BCAS3: variants seen among roughly 807,000 people sequenced by gnomAD.
BCAS3 encodes BCAS4/BCAS3 fusion.
A neutral mutation model predicts 116.1 loss-of-function variants in BCAS3; 53 were observed. The observed-to-expected ratio is 0.46, with a 90% CI of 0.37 to 0.57. The LOEUF (loss-of-function observed/expected upper bound fraction) is 0.57. BCAS3 is among the 20% of genes least tolerant of loss of function. The pLI, the probability that BCAS3 is intolerant of heterozygous loss-of-function variation, is 0.00. For missense variants in BCAS3, 917 were observed against 1,165.4 expected (o/e 0.79, Z 3.10); for synonymous variants, 391 against 408.2 (o/e 0.96, Z 0.51).
intron 6 of BCAS3, among the ~76,000 whole-genome samples, chr17:60,763,244 T>C (rs2043724977): frequency 6.6e-6 from 1 of 152,010 alleles, no homozygotes; most frequent in Non-Finnish European, 1.5e-5. Context: ...TGAATAGGAG[T>C]GGTGAGAGAG....
chr17:61,336,496 C>T (rs1052862718), intron 22 of BCAS3, among the ~76,000 whole-genome samples: 1 of 152,174 alleles, frequency 6.6e-6, no homozygotes, highest in African/African-American at 2.4e-5. Flanking sequence ...TTCTAGAAAC[C>T]TTACCCACCT....
In BCAS3 at chr17:61,388,775, G is replaced by A. The variant is rs2059981694; in HGVS notation, c.2594-3202G>A. 2 of 1,420,244 alleles carry A rather than the reference G, an allele frequency of 1.4e-6. No individual in the cohort carries two copies. The highest frequency in any genetic ancestry group is 1.9e-6 in the Non-Finnish European group (2 of 1,046,374). The allele number at this position is 1,420,244 out of a possible 1,614,324, so 88.0% of individuals were successfully genotyped here. A position where few individuals can be genotyped will look rare whatever the true frequency, so the allele number is the denominator to read the frequency against. On this transcript the variant is annotated intron_variant, in intron 23 of 23. Coordinates refer to ENST00000407086, the MANE Select transcript of BCAS3 (RefSeq NM_017679.5). The surrounding 1 kb of genome is among the most constrained non-coding windows in gnomAD (Gnocchi z 6.5). Reference sequence around the variant, plus strand: ...GGGCGGCCGGGATGACTTGGAGGGGGGAATCTGAGCAGCCCTCCTCCCCTC... The same window carrying A: ...GGGCGGCCGGGATGACTTGGAGGGGAGAATCTGAGCAGCCCTCCTCCCCTC...
Position 61,285,231 on chromosome 17 carries a change from T to TGTGTGTGTGTGTG in BCAS3, c.2426-83096_2426-83095insGTGTGTGTGTGTG, listed in dbSNP as rs2051641353. ...GTTTTGCTTTTCCCCTCCTCCTAGG[T>TGTGTGTGTGTGTG]TGTGTGTGTGTGTGTGTGTGTGTGT... is the stretch of plus-strand genomic sequence containing the variant. On this transcript the variant is annotated intron_variant, in intron 22 of 23. Coordinates refer to ENST00000407086, the MANE Select transcript of BCAS3 (RefSeq NM_017679.5). The surrounding 1 kb of genome is among the most constrained non-coding windows in gnomAD (Gnocchi z 5.4). Among the ~76,000 whole-genome samples, 1 of 140,026 alleles carries TGTGTGTGTGTGTG rather than the reference T, an allele frequency of 7.1e-6. No individual in the cohort carries two copies. Among genetic ancestry groups the TGTGTGTGTGTGTG allele is most frequent in the African/African-American group, 3.0e-5 (1 of 32,862 alleles). 91.9% of individuals were successfully genotyped at this position (140,026 alleles called of 152,430 possible). A position where few individuals can be genotyped will look rare whatever the true frequency, so the allele number is the denominator to read the frequency against.
chr17:60,817,446 G>A (rs1053373762), intron 7 of BCAS3, among the ~76,000 whole-genome samples: 1 of 152,192 alleles, frequency 6.6e-6, no homozygotes, highest in Non-Finnish European at 1.5e-5. Context: ...TGCAGACCTT[G>A]AAGAATGTTT....
intron 12 of BCAS3, 63 bp from the exon 13 acceptor site, chr17:60,924,344 G>A (rs2059258073): frequency 2.1e-6 from 3 of 1,411,328 alleles, no homozygotes; most frequent in Non-Finnish European, 1.0e-6. Context: ...CTTCTTATAG[G>A]CTTCAAGCTC....
At chr17:60,764,339 A>G (rs1045677483) in intron 6 of BCAS3, among the ~76,000 whole-genome samples, 11 of 152,188 alleles carry the variant, frequency 7.2e-5, no homozygotes, top group African/African-American at 2.7e-4. Flanking sequence ...ATTTAGTGCT[A>G]TAAATTTTCC....
At chr17:60,996,983 G>A (rs1202866527) in intron 15 of BCAS3, among the ~76,000 whole-genome samples, 1 of 152,122 alleles carries the variant, frequency 6.6e-6, no homozygotes, top group African/African-American at 2.4e-5. Flanking sequence ...ACCAAGGACC[G>A]GTTTTGTGGA....
At chr17:61,147,534 T>C (rs567125990) in intron 22 of BCAS3, among the ~76,000 whole-genome samples, 7 of 152,300 alleles carry the variant, frequency 4.6e-5, no homozygotes, top group Admixed American at 4.6e-4. Flanking sequence ...AACAGGTGTT[T>C]CTTGTATCAA....
chr17:60,797,637 A>G (rs1054916550), intron 6 of BCAS3, among the ~76,000 whole-genome samples: 1 of 151,936 alleles, frequency 6.6e-6, no homozygotes, highest in Non-Finnish European at 1.5e-5. Context: ...GCACCTGTCA[A>G]CCTGTCATCT....
Position 61,118,166 on chromosome 17 carries a change from C to A in BCAS3, c.2425+33602C>A, listed in dbSNP as rs917898071. On this transcript the variant is annotated intron_variant, in intron 22 of 23. Coordinates refer to ENST00000407086, the MANE Select transcript of BCAS3 (RefSeq NM_017679.5). The surrounding 1 kb of genome is among the most constrained non-coding windows in gnomAD (Gnocchi z 5.0). Reference sequence around the variant, plus strand: ...GGGGCTTTCTCTGGTATCACAATGGCAGGGGAAGTAGGATGTTCTACCTCG... The same window carrying A: ...GGGGCTTTCTCTGGTATCACAATGGAAGGGGAAGTAGGATGTTCTACCTCG... Among the ~76,000 whole-genome samples the A allele has an allele frequency of 2.0e-5, 3 of 152,110 alleles. No homozygotes were observed. Among genetic ancestry groups the A allele is most frequent in the Admixed American group, 6.6e-5 (1 of 15,266 alleles).
chr17:60,919,881 A>G (rs919001707), intron 12 of BCAS3, among the ~76,000 whole-genome samples: 10 of 152,112 alleles, frequency 6.6e-5, no homozygotes, highest in Non-Finnish European at 8.8e-5. Context: ...TACTCAGAAA[A>G]AGTAACAGAG....
At chr17:60,730,573 C>T (rs1004429550) in intron 5 of BCAS3, among the ~76,000 whole-genome samples, 1 of 151,972 alleles carries the variant, frequency 6.6e-6, no homozygotes, top group Non-Finnish European at 1.5e-5. Flanking sequence ...AAAAACAAAA[C>T]AAAACAAAAA....
chr17:61,066,342 T>C (rs991359363), intron 19 of BCAS3, among the ~76,000 whole-genome samples: 1 of 152,232 alleles, frequency 6.6e-6, no homozygotes, highest in Non-Finnish European at 1.5e-5. Flanking sequence ...TAAGCACTGC[T>C]CGATGTTCAT....
rs2143938455 is a variant in BCAS3, at chr17:61,141,437, A to C, written c.2425+56873A>C. Among the ~76,000 whole-genome samples the C allele has an allele frequency of 6.6e-6, 1 of 152,304 alleles. No homozygotes were observed. The highest frequency in any genetic ancestry group is 1.9e-4 in the East Asian group (1 of 5,188). On this transcript the variant is annotated intron_variant, in intron 22 of 23. Transcript: ENST00000407086. The surrounding 1 kb of genome is among the most constrained non-coding windows in gnomAD (Gnocchi z 4.3). ...ACCAGGTATAGTAGCAGGAGTCCAT[A>C]GTCCCAGCTACTTGGGAGGCTGAGG... is the stretch of plus-strand genomic sequence containing the variant.
chr17:61,196,230 T>C lies in BCAS3; in HGVS notation c.2425+111666T>C, dbSNP rs748511911. ...TAACACAGTGAATCTCAGAATTTAT[T>C]TTTTCAACTGATACTTCCAGCTCTG... On this transcript the variant is annotated intron_variant, in intron 22 of 23. Transcript: ENST00000407086. The surrounding 1 kb of genome is among the most constrained non-coding windows in gnomAD (Gnocchi z 4.7). Among the ~76,000 whole-genome samples, 5 of 152,198 alleles carry C rather than the reference T, an allele frequency of 3.3e-5. No homozygotes were observed. The highest frequency in any genetic ancestry group is 5.9e-5 in the Non-Finnish European group (4 of 68,042).
Position 61,041,294 on chromosome 17 carries a change from A to G in BCAS3, c.2029+402A>G, listed in dbSNP as rs986892569. On this transcript the variant is annotated intron_variant, in intron 19 of 23. Transcript: ENST00000407086. This position sits in a 1 kb window ranked among gnomAD's most constrained non-coding sequence, Gnocchi z 4.7. ...AGTTAAAAGTGCAACTATGAAAACA[A>G]TGCCAGCAGGCTTTTCTTTTGGTAG... 3.3e-5 allele frequency among the ~76,000 whole-genome samples: 5 copies of G among 152,034 alleles called. No homozygotes were observed. Among genetic ancestry groups the G allele is most frequent in the African/African-American group, 9.7e-5 (4 of 41,428 alleles).
At chr17:60,952,325 T>G (rs1168121640) in intron 14 of BCAS3, among the ~76,000 whole-genome samples, 2 of 151,920 alleles carry the variant, frequency 1.3e-5, no homozygotes, top group Non-Finnish European at 2.9e-5. Context: ...TTAAACTTTT[T>G]TTTTTTTCTT....
chr17:60,921,817 A>G (rs1567873551), intron 12 of BCAS3, among the ~76,000 whole-genome samples: 1 of 152,006 alleles, frequency 6.6e-6, no homozygotes, highest in African/African-American at 2.4e-5. Flanking sequence ...TGAAATTAAA[A>G]AAAAAACATG....
intron 7 of BCAS3, among the ~76,000 whole-genome samples, chr17:60,847,925 G>A (rs937084114): frequency 1.3e-5 from 2 of 152,120 alleles, no homozygotes; most frequent in Admixed American, 6.5e-5. Flanking sequence ...CAAATTCAAG[G>A]TCAGGAAGAT....
Sources: gnomAD v4.1 joint callset for allele counts (sites outside exome capture counted in the v4.1 genomes callset) on GRCh38, gnomAD v4.1.1 for gene constraint, Gnocchi (gnomAD v3.1) non-coding constraint, MANE v1.5 for transcripts, NCBI Gene and HGNC (gene_info 2026-07-23, HGNC 2026-07-21) for gene names.